Variants in CTNND2 observed in about 807,000 individuals in gnomAD.
CTNND2 encodes catenin delta 2.
A neutral mutation model predicts 144.4 loss-of-function variants in CTNND2; 22 were observed. The ratio of observed to expected loss-of-function variants is 0.15; its 90% CI spans 0.11 to 0.22. The LOEUF (loss-of-function observed/expected upper bound fraction) is 0.22, where lower values mean the gene tolerates loss of function less well. Among genes scored for constraint, CTNND2 ranks in the 10% least tolerant of loss-of-function variants. The probability of loss-of-function intolerance (pLI) is 1.00; values close to 1 mark genes in which losing one functional copy is unlikely to be tolerated. For missense variants in CTNND2, 1,353 were observed against 1,618.8 expected (o/e 0.84, Z 2.82); for synonymous variants, 751 against 695.6 (o/e 1.08, Z -1.25).
chr5:11,366,687 A>T (rs1208993076), intron 7 of CTNND2, among the ~76,000 whole-genome samples: 1 of 152,174 alleles, frequency 6.6e-6, no homozygotes, highest in East Asian at 1.9e-4. Flanking sequence ...AAATAAAAAA[A>T]AAAAACAGTC....
chr5:11,410,319 T>C (rs570898064), intron 5 of CTNND2, among the ~76,000 whole-genome samples: 8 of 152,180 alleles, frequency 5.3e-5, no homozygotes, highest in Non-Finnish European at 1.2e-4. Flanking sequence ...ACAGCAATGT[T>C]ATCCTAACAG....
intron 9 of CTNND2, among the ~76,000 whole-genome samples, chr5:11,270,849 T>G (rs1346484213): frequency 1.3e-5 from 2 of 152,188 alleles, no homozygotes; most frequent in African/African-American, 2.4e-5. Context: ...AAATAATAGT[T>G]AGTTCATGTG....
chr5:11,167,194 C>G (rs186908084), intron 11 of CTNND2, among the ~76,000 whole-genome samples: 5 of 152,082 alleles, frequency 3.3e-5, no homozygotes. Flanking sequence ...GGCTGATAGG[C>G]GTGGGAGGTG....
chr5:11,281,290 G>C (rs1182766610), intron 9 of CTNND2, among the ~76,000 whole-genome samples: 2 of 152,128 alleles, frequency 1.3e-5, no homozygotes, highest in Non-Finnish European at 2.9e-5. Context: ...TGGCTTGGGG[G>C]AGCTACGTTT....
chr5:11,127,795 C>T (rs979435241), intron 12 of CTNND2, among the ~76,000 whole-genome samples: 6 of 151,774 alleles, frequency 4.0e-5, no homozygotes, highest in Admixed American at 6.7e-5. Context: ...TCATCCAGCT[C>T]GGATTTGGAT....
In CTNND2 at chr5:11,415,807, C is replaced by T. The variant is rs200236047; in HGVS notation, c.288-3738G>A. Among the ~76,000 whole-genome samples, 3 of 151,944 alleles carry T rather than the reference C, an allele frequency of 2.0e-5. No individual in the cohort carries two copies. In the East Asian group the frequency reaches 5.8e-4, roughly 29 times the overall value. Reference sequence around the variant, plus strand: ...GCTCCCTTGCACATAGATGGGGTCACAAAAGCGTATGAGAGGAAGTGACAA... The same window carrying T: ...GCTCCCTTGCACATAGATGGGGTCATAAAAGCGTATGAGAGGAAGTGACAA... On this transcript the variant is annotated intron_variant, in intron 3 of 21. Coordinates refer to ENST00000304623, the MANE Select transcript of CTNND2 (RefSeq NM_001332.4).
chr5:11,109,056 C>T (rs540185845), intron 14 of CTNND2, among the ~76,000 whole-genome samples: 42 of 152,130 alleles, frequency 2.8e-4, no homozygotes, highest in Non-Finnish European at 5.1e-4. Context: ...GGGGGAGACG[C>T]GCCTTCTTGG....
At chr5:11,297,269 G>C (rs1749121277) in intron 9 of CTNND2, among the ~76,000 whole-genome samples, 1 of 152,176 alleles carries the variant, frequency 6.6e-6, no homozygotes, top group Admixed American at 6.5e-5. Context: ...AACTTGTAGA[G>C]TTTTGGTATA....
chr5:11,504,714 A>G (rs1054828732), intron 3 of CTNND2, among the ~76,000 whole-genome samples: 18 of 152,046 alleles, frequency 1.2e-4, no homozygotes, highest in African/African-American at 4.3e-4. Context: ...TTTCAGATAC[A>G]TTTCATGGGT....
chr5:11,690,884 T>C (rs1010305335), intron 2 of CTNND2, among the ~76,000 whole-genome samples: 1 of 150,680 alleles, frequency 6.6e-6, no homozygotes, highest in African/African-American at 2.4e-5. Context: ...ATGAAATTAA[T>C]AACTCCATGT....
At chr5:11,726,041 T>A (rs2126728623) in intron 2 of CTNND2, among the ~76,000 whole-genome samples, 1 of 152,314 alleles carries the variant, frequency 6.6e-6, no homozygotes, top group East Asian at 1.9e-4. Flanking sequence ...GTGGCCCTTT[T>A]CAGTAATTAA....
At chr5:11,395,317 C>T (rs1330647540) in intron 6 of CTNND2, among the ~76,000 whole-genome samples, 2 of 152,196 alleles carry the variant, frequency 1.3e-5, no homozygotes, top group Non-Finnish European at 2.9e-5. Context: ...CCAATATCTA[C>T]CACTGAGTTA....
chr5:11,187,776 T>A (rs548994919), intron 11 of CTNND2, among the ~76,000 whole-genome samples: 2 of 152,076 alleles, frequency 1.3e-5, no homozygotes, highest in South Asian at 2.1e-4. Flanking sequence ...ACCAACCCCA[T>A]TAAAAAGTGG....
At chr5:11,270,147 T>C (rs1213852130) in intron 9 of CTNND2, among the ~76,000 whole-genome samples, 1 of 152,186 alleles carries the variant, frequency 6.6e-6, no homozygotes, top group Non-Finnish European at 1.5e-5. Flanking sequence ...TAGTTCCTTG[T>C]AGAAGAACTT....
intron 7 of CTNND2, among the ~76,000 whole-genome samples, chr5:11,370,215 T>G (rs1464126813): frequency 6.6e-6 from 1 of 151,446 alleles, no homozygotes; most frequent in South Asian, 2.1e-4. Context: ...TTCCTTAGAA[T>G]AGGATTAATT....
chr5:11,306,150 A>G (rs1257298579), intron 9 of CTNND2, among the ~76,000 whole-genome samples: 1 of 152,218 alleles, frequency 6.6e-6, no homozygotes, highest in Non-Finnish European at 1.5e-5. Context: ...AGAACTGATT[A>G]GAAGAAAGCA....
intron 18 of CTNND2, among the ~76,000 whole-genome samples, chr5:10,996,787 C>T (rs191528933): frequency 2.6e-5 from 4 of 152,104 alleles, no homozygotes; most frequent in African/African-American, 4.8e-5. Flanking sequence ...TTAGTAGAGA[C>T]GGAGTTTCAC....
At chr5:11,701,154 G>C (rs371313129) in intron 2 of CTNND2, among the ~76,000 whole-genome samples, 1 of 152,154 alleles carries the variant, frequency 6.6e-6, no homozygotes. Context: ...GGCCACAGGT[G>C]GAGATTTCTC....
At chr5:11,762,683 T>C (rs1789339952) in intron 1 of CTNND2, among the ~76,000 whole-genome samples, 1 of 152,150 alleles carries the variant, frequency 6.6e-6, no homozygotes, top group Non-Finnish European at 1.5e-5. Flanking sequence ...CCTTCACGAA[T>C]AATAAGTTTA....
Sources: gnomAD v4.1 joint callset for allele counts (sites outside exome capture counted in the v4.1 genomes callset) on GRCh38, gnomAD v4.1.1 for gene constraint, MANE v1.5 for transcripts, NCBI Gene and HGNC (gene_info 2026-07-23, HGNC 2026-07-21) for gene names.